The following ABCA6 variants were observed in gnomAD, a reference collection of about 807,000 sequenced individuals.
ABCA6 encodes the protein ATP binding cassette subfamily A member 6.
A neutral mutation model predicts 191.2 loss-of-function variants in ABCA6; 164 were observed. The ratio of observed to expected loss-of-function variants is 0.86; its 90% CI spans 0.76 to 0.98. The LOEUF (loss-of-function observed/expected upper bound fraction) is 0.98. ABCA6 is among the 50% of genes least tolerant of loss of function. The probability of loss-of-function intolerance (pLI) is 0.00; values close to 1 mark genes in which losing one functional copy is unlikely to be tolerated. For missense variants in ABCA6, 1,958 were observed against 1,894.1 expected, an observed-to-expected ratio of 1.03 and a Z score of -0.63; for synonymous variants, 636 against 647.7, an observed-to-expected ratio of 0.98 and a Z score of 0.27.
rs966944197 is a variant in ABCA6 at position 69,129,742 on chromosome 17, C to T, written c.801G>A (p.Trp267Ter). 1.1e-5 allele frequency: 18 copies of T among 1,574,884 alleles called. No individual in the cohort carries two copies. The highest frequency in any genetic ancestry group is 1.5e-5 in the Non-Finnish European group (18 of 1,163,438). Reference sequence around the variant, plus strand: ...AGATGAAGCCAGCATAGATTAGACCCCAGGAGAGCCTAAATAAAGACAAAA... The same window carrying T: ...AGATGAAGCCAGCATAGATTAGACCTCAGGAGAGCCTAAATAAAGACAAAA... ...GLQDSAFWLSWGLIYAGFIFI... is the reference protein window; with the variant it reads ...GLQDSAFWLS The change falls in exon 7 of 39, where the codon TGG (tryptophan) becomes TGA (stop). Residue 267 changes from tryptophan (W) to a stop codon, truncating the protein, a stop_gained. Coordinates refer to ENST00000284425, the MANE Select transcript of ABCA6 (RefSeq NM_080284.3). LOFTEE classifies it high-confidence loss of function.
chr17:69,094,548 C>A, intron 25 of ABCA6: 1 of 157,786 alleles, frequency 6.3e-6, no homozygotes, highest in Non-Finnish European at 1.4e-5. Context: ...CCCAAAGCAT[C>A]ACTATGGAGC....
intron 2 of ABCA6, 45 bp from the exon 3 acceptor site, chr17:69,137,545 C>T (rs924086322): frequency 4.5e-6 from 7 of 1,552,520 alleles, no homozygotes; most frequent in African/African-American, 1.4e-5. Context: ...AGGTTGCATT[C>T]ACTTAAAGAT....
At chr17:69,098,776 A>G (rs983564309) in intron 22 of ABCA6, among the ~76,000 whole-genome samples, 4 of 152,188 alleles carry the variant, frequency 2.6e-5, no homozygotes, top group African/African-American at 9.7e-5. Flanking sequence ...TCATAGAAAC[A>G]TAATAGGATG....
rs753600938 is a variant in ABCA6, at chr17:69,100,779, A to G, written c.3012+18T>C. The stretch of plus-strand genomic sequence containing the variant: ...GTCCAATTCTTAATTGTTTAGACTC[A>G]GTAAATCCAATACTTACAAGAGGAA... On this transcript the variant is annotated intron_variant, in intron 22 of 38. Coordinates refer to ENST00000284425, the MANE Select transcript of ABCA6 (RefSeq NM_080284.3). 1.5e-5 allele frequency: 24 copies of G among 1,598,102 alleles called. No individual in the cohort carries two copies. The South Asian group carries it at 2.5e-4, about 17-fold the overall frequency.
intron 16 of ABCA6, 81 bp downstream of exon 16, chr17:69,112,102 A>G: frequency 9.7e-7 from 1 of 1,030,412 alleles, no homozygotes; most frequent in South Asian, 1.3e-5. Context: ...GCACGAGGCC[A>G]GTTCTGTTTC....
In ABCA6 at chr17:69,083,313, G is replaced by A. The variant is rs34498359; in HGVS notation, c.4374C>T (p.Val1458=). The change falls in exon 35 of 39, where the codon GTC becomes GTT. Residue 1458 remains valine (V), a synonymous_variant. Transcript: ENST00000284425. ...GGACACCTCTCTCTGTGTTTTTAAC[G>A]ACTGCCTGGATTGCCTGCCTGCAGT... ...QQQMWQAIQA[V]VKNTERGVLL... 4,580 of 1,594,600 alleles carry A rather than the reference G, an allele frequency of 2.9e-3. 86 individuals are homozygous for A. In the African/African-American group the frequency reaches 0.052, roughly 18 times the overall value.
At chr17:69,122,019 C>T (rs547841282) in intron 10 of ABCA6, among the ~76,000 whole-genome samples, 12 of 152,152 alleles carry the variant, frequency 7.9e-5, no homozygotes, top group Middle Eastern at 3.4e-3. Context: ...AAATATTTCA[C>T]TTCCTAGATA....
At chr17:69,098,998 T>C (rs1395040888) in intron 22 of ABCA6, among the ~76,000 whole-genome samples, 1 of 152,172 alleles carries the variant, frequency 6.6e-6, no homozygotes. Flanking sequence ...GGACCTCTGA[T>C]GAACATATAA....
chr17:69,079,087 C>A lies in ABCA6; in HGVS notation c.4753-13G>T. 1 of 1,585,494 alleles carries A rather than the reference C, an allele frequency of 6.3e-7. No homozygotes were observed. Among genetic ancestry groups the A allele is most frequent in the Non-Finnish European group, 8.6e-7 (1 of 1,159,998 alleles). ...GCTCTAAGAATACCTAATTAGGAGA[C>A]AAAGAAGAAGGAAAGAAGGAAGAGA... On this transcript the variant is annotated splice_polypyrimidine_tract_variant and intron_variant, in intron 38 of 38. Coordinates refer to ENST00000284425, the MANE Select transcript of ABCA6 (RefSeq NM_080284.3).
intron 28 of ABCA6, 104 bp downstream of exon 28, chr17:69,088,063 G>A (rs182449249): frequency 3.0e-6 from 3 of 993,664 alleles, no homozygotes. Flanking sequence ...ATCAACATGT[G>A]CTTCCACTGT....
At chr17:69,098,107 T>C (rs894020133) in intron 22 of ABCA6, 80 bp from the exon 23 acceptor site, 2 of 1,021,492 alleles carry the variant, frequency 2.0e-6, no homozygotes, top group Admixed American at 3.4e-5. Context: ...AATGCACTTT[T>C]TGAAATGTTG....
chr17:69,124,026 CAACTT>C (rs1208745102), intron 9 of ABCA6, among the ~76,000 whole-genome samples: 2 of 151,874 alleles, frequency 1.3e-5, no homozygotes, highest in African/African-American at 4.8e-5. Flanking sequence ...ACATGTTTGT[CAACTT>C]AAATAATTTG....
At chr17:69,111,009 T>C (rs1006460810) in intron 16 of ABCA6, 69 bp from the exon 17 acceptor site, 49 of 1,439,870 alleles carry the variant, frequency 3.4e-5, no homozygotes, top group African/African-American at 1.4e-4. Flanking sequence ...AGAGCTTTAA[T>C]TGAACACCTA....
Position 69,085,025 on chromosome 17 carries a change from T to C in ABCA6, c.4184+3A>G, listed in dbSNP as rs902155689. The C allele has an allele frequency of 5.0e-6, 8 of 1,608,336 alleles. No homozygotes were observed. Among genetic ancestry groups the C allele is most frequent in the Non-Finnish European group, 5.1e-6 (6 of 1,178,552 alleles). ...ACAAAGGAATCGCAGGTCCCGTCTGTACCTTGCGATGGCGAGCCTCGCGTC... is the reference window on the plus strand; with the variant it reads ...ACAAAGGAATCGCAGGTCCCGTCTGCACCTTGCGATGGCGAGCCTCGCGTC... On this transcript the variant is annotated splice_donor_region_variant and intron_variant, in intron 32 of 38. Coordinates refer to ENST00000284425, the MANE Select transcript of ABCA6 (RefSeq NM_080284.3).
intron 4 of ABCA6, 130 bp downstream of exon 4, chr17:69,135,962 G>A (rs1568037861): frequency 5.7e-6 from 5 of 874,730 alleles, no homozygotes; most frequent in Non-Finnish European, 7.0e-6. Context: ...CTTGAAATAA[G>A]TTCAGCAATG....
At chr17:69,091,794 T>C (rs2072929540) in intron 25 of ABCA6, among the ~76,000 whole-genome samples, 1 of 19,298 alleles carries the variant, frequency 5.2e-5, no homozygotes, top group East Asian at 3.8e-4. Context: ...AGTGCTGGGA[T>C]TACAGGCGTG....
In ABCA6 at chr17:69,096,682, G is replaced by A. The variant is rs771846160; in HGVS notation, c.3240C>T (p.Phe1080=). The A allele has an allele frequency of 1.9e-6, 3 of 1,571,910 alleles. No individual in the cohort carries two copies. Among genetic ancestry groups the A allele is most frequent in the South Asian group, 2.4e-5 (2 of 82,012 alleles). The stretch of plus-strand genomic sequence containing the variant: ...GAAGGTACTGCATGTTTTCTATGTA[G>A]AAAATTAAATACATTAAAAGGAGAA... ...ILILLLMYLI[F]YIENMQYLLI... The change falls in exon 24 of 39, where the codon TTC becomes TTT. Residue 1080 remains phenylalanine (F), a synonymous_variant. Transcript: ENST00000284425.
chr17:69,085,229 A>G (rs2072752738), intron 31 of ABCA6, 47 bp from the exon 32 acceptor site: 1 of 1,548,278 alleles, frequency 6.5e-7, no homozygotes, highest in Non-Finnish European at 8.7e-7. Flanking sequence ...CTTTATTCCA[A>G]TAGCGTAATT....
rs1342185103 is a variant in ABCA6, at chr17:69,091,134, A to G, written c.3528+9T>C. On this transcript the variant is annotated intron_variant, in intron 26 of 38. Transcript: ENST00000284425. ...CAAAATTAATGACACAGTTGGTAAC[A>G]TTTCTTACCACTTCCAAAAAAGTTT... 4 of 1,603,604 alleles carry G rather than the reference A, an allele frequency of 2.5e-6. No homozygotes were observed. Among genetic ancestry groups the G allele is most frequent in the Non-Finnish European group, 3.4e-6 (4 of 1,176,704 alleles).
Sources: gnomAD v4.1 joint callset for allele counts (sites outside exome capture counted in the v4.1 genomes callset) on GRCh38, gnomAD v4.1.1 for gene constraint, MANE v1.5 for transcripts, NCBI Gene and HGNC (gene_info 2026-07-23, HGNC 2026-07-21) for gene names.